Variants in NAA38 observed in about 807,000 individuals in gnomAD.
NAA38 encodes LSM domain containing 1.
NAA38 carries 15 observed loss-of-function variants against 12.6 expected under a neutral mutation model. The observed-to-expected ratio is 1.19, with a 90% CI of 0.79 to 1.83. The LOEUF (loss-of-function observed/expected upper bound fraction) is 1.83, where lower values mean the gene tolerates loss of function less well. Ranked by LOEUF, NAA38 falls within the 40% of genes most tolerant of loss-of-function variation. NAA38 has a pLI of 0.00. For missense variants in NAA38, 183 were observed against 171.7 expected (o/e 1.07, Z -0.37); for synonymous variants, 88 against 69.9 (o/e 1.26, Z -1.29).
At position 7,857,210 on chromosome 17, in the gene NAA38, G is replaced by GT. The variant is rs748812540; in HGVS notation, c.82-13dup. 2.2e-5 allele frequency: 35 copies of GT among 1,612,716 alleles called. No homozygotes were observed. The highest frequency in any genetic ancestry group is 2.7e-5 in the African/African-American group (2 of 74,930). On this transcript the variant is annotated splice_polypyrimidine_tract_variant and intron_variant, in intron 1 of 2. Transcript: ENST00000575771. ...TCTCCGTCCGAATCCTGCGCGGGGT[G>GT]TAACAAGCGCTCAGACCGCGCAGCC...
upstream of NAA38, chr17:7,859,017 G>A: frequency 1.7e-6 from 1 of 572,882 alleles, no homozygotes; most frequent in East Asian, 2.9e-5. Context: ...GGGTCACAGG[G>A]GGACAAGAGA....
At chr17:7,869,749 CA>C (rs1967053266) in intron 2 of NAA38, among the ~76,000 whole-genome samples, 1 of 151,356 alleles carries the variant, frequency 6.6e-6, no homozygotes, top group East Asian at 1.9e-4. Flanking sequence ...GGTGACAGAG[CA>C]AGACTCCGTC....
In NAA38 at chr17:7,857,471, G is replaced by C. The variant is rs986787307; in HGVS notation, c.-8C>G. 1 of 1,525,762 alleles carries C rather than the reference G, an allele frequency of 6.6e-7. No individual in the cohort carries two copies. The highest frequency in any genetic ancestry group is 8.8e-7 in the Non-Finnish European group (1 of 1,136,862). The allele number at this position is 1,525,762 out of a possible 1,614,324, so 94.5% of individuals were successfully genotyped here. On this transcript the variant is annotated 5_prime_UTR_variant, in exon 1 of 3. Transcript: ENST00000575771. ...CGGTCCAGCTCCGGCCATTTGCCCG[G>C]AGGCCTCCTCTGGGCCTTTCAACTT...
chr17:7,859,646 G>T, upstream of NAA38: 1 of 1,601,192 alleles, frequency 6.2e-7, no homozygotes, highest in Non-Finnish European at 8.6e-7. Context: ...GACTCAAGAC[G>T]TATTTCGAGT....
At chr17:7,857,929 C>T, upstream of NAA38, 2 of 1,427,740 alleles carry the variant, frequency 1.4e-6, no homozygotes, top group Non-Finnish European at 1.8e-6. Context: ...ACTCATACTA[C>T]GTTTCCCGTG....
At chr17:7,882,228 T>C (rs1967286513) in intron 2 of NAA38, among the ~76,000 whole-genome samples, 1 of 151,940 alleles carries the variant, frequency 6.6e-6, no homozygotes, top group Non-Finnish European at 1.5e-5. Flanking sequence ...GCTCTCAGTA[T>C]AGGGAGAGGG....
At chr17:7,858,337 G>T (rs1567812576), upstream of NAA38, 1 of 1,613,960 alleles carries the variant, frequency 6.2e-7, no homozygotes. Flanking sequence ...GTGTGTGTGT[G>T]CACGCGCGCG....
upstream of NAA38, chr17:7,858,227 C>G (rs1363242049): frequency 3.1e-6 from 5 of 1,613,832 alleles, no homozygotes; most frequent in South Asian, 4.4e-5. Context: ...ATAACAGGCC[C>G]GAAGACCTCT....
chr17:7,858,909 C>G, upstream of NAA38: 1 of 1,259,320 alleles, frequency 7.9e-7, no homozygotes, highest in East Asian at 2.5e-5. Context: ...AACATTTTTT[C>G]CATAACCGGT....
At chr17:7,863,786 A>T (rs2151388233) in intron 3 of NAA38, 1 of 152,172 alleles carries the variant, frequency 6.6e-6, no homozygotes, top group Middle Eastern at 3.4e-3. Context: ...ACACAACAAT[A>T]CTTTAAACAG....
upstream of NAA38, chr17:7,858,684 C>A: frequency 6.2e-7 from 1 of 1,611,530 alleles, no homozygotes; most frequent in Non-Finnish European, 8.5e-7. Flanking sequence ...CGTTCCGCCT[C>A]AGCTGCCCTG....
At position 7,857,088 on chromosome 17, in the gene NAA38, G is replaced by T; in HGVS notation, c.192C>A (p.Val64=). 1 of 1,613,540 alleles carries T rather than the reference G, an allele frequency of 6.2e-7. No homozygotes were observed. Among genetic ancestry groups the T allele is most frequent in the Non-Finnish European group, 8.5e-7 (1 of 1,180,040 alleles). Residue 64 remains valine, a synonymous_variant, in exon 2 of 3, where the codon GTC becomes GTA. Coordinates refer to ENST00000575771, the MANE Select transcript of NAA38 (RefSeq NM_001320925.4). ...RIRMTDGRTL[V]GCFLCTDRDC... is the part of the protein sequence containing the mutation. The stretch of plus-strand genomic sequence containing the variant: ...CACGGTCAGTGCAGAGGAAGCAGCC[G>T]ACCAGTGTCCGTCCATCTGTCATGC...
intron 2 of NAA38, among the ~76,000 whole-genome samples, chr17:7,882,139 A>G (rs1038381011): frequency 6.6e-6 from 1 of 152,196 alleles, no homozygotes; most frequent in Non-Finnish European, 1.5e-5. Flanking sequence ...AGAGAGAATG[A>G]TGAGTGTTTG....
upstream of NAA38, chr17:7,858,827 G>C (rs747101967): frequency 2.0e-6 from 3 of 1,528,184 alleles, no homozygotes; most frequent in Non-Finnish European, 2.6e-6. Flanking sequence ...CACTGGAGGT[G>C]AGAACTGGTG....
rs147600340 is a variant in NAA38 at position 7,869,029 on chromosome 17, C to T, written c.-65-2471G>A. On this transcript the variant is annotated intron_variant, in intron 2 of 4. Transcript: ENST00000576861. Reference sequence around the variant, plus strand: ...TAAAGGATTTTAAGGTGCTTAAGCTCGTAACTCAGGTTGTGAATCTTCTCA... The same window carrying T: ...TAAAGGATTTTAAGGTGCTTAAGCTTGTAACTCAGGTTGTGAATCTTCTCA... Among the ~76,000 whole-genome samples the T allele has an allele frequency of 0.01, 1,567 of 152,270 alleles. 75 individuals are homozygous for T. The South Asian group carries it at 0.14, about 13-fold the overall frequency.
At chr17:7,874,952 C>T (rs1430620409) in intron 2 of NAA38, among the ~76,000 whole-genome samples, 2 of 148,434 alleles carry the variant, frequency 1.3e-5, no homozygotes, top group African/African-American at 5.0e-5. Flanking sequence ...CCCAACACTT[C>T]AGAAGGCCAC....
intron 2 of NAA38, among the ~76,000 whole-genome samples, chr17:7,872,647 C>T (rs1287640218): frequency 6.6e-6 from 1 of 152,228 alleles, no homozygotes; most frequent in East Asian, 1.9e-4. Flanking sequence ...AGGCCTGAGC[C>T]GCTGTGCCCG....
At chr17:7,865,472 T>TG (rs764626822) in intron 3 of NAA38, 7 of 152,242 alleles carry the variant, frequency 4.6e-5, no homozygotes, top group Non-Finnish European at 1.0e-4. Context: ...AGGGGTGGAC[T>TG]GTGGGGAGCT....
intron 2 of NAA38, among the ~76,000 whole-genome samples, chr17:7,879,605 G>A (rs377368112): frequency 1.5e-4 from 23 of 152,044 alleles, no homozygotes; most frequent in African/African-American, 5.3e-4. Flanking sequence ...CTGAATATTT[G>A]AGTTCTTTGT....
Sources: gnomAD v4.1 joint callset for allele counts (sites outside exome capture counted in the v4.1 genomes callset) on GRCh38, gnomAD v4.1.1 for gene constraint, MANE v1.5 for transcripts, NCBI Gene and HGNC (gene_info 2026-07-23, HGNC 2026-07-21) for gene names.